INPP1: variants seen among roughly 807,000 people sequenced by gnomAD.
INPP1 encodes the protein inositol polyphosphate-1-phosphatase.
INPP1 carries 18 observed loss-of-function variants against 23.0 expected under a neutral mutation model. The ratio of observed to expected loss-of-function variants is 0.78; its 90% CI spans 0.54 to 1.16. The LOEUF is 1.16. INPP1 is among the 50% of genes most tolerant of loss of function. INPP1 has a pLI of 0.00. For synonymous variants in INPP1, 164 were observed against 176.3 expected (o/e 0.93, Z 0.55); for missense variants, 448 against 482.1 (o/e 0.93, Z 0.66).
intron 4 of INPP1, among the ~76,000 whole-genome samples, chr2:190,364,606 T>TTTTTTTTTTTTTTTTTTTTG (rs796196740): frequency 5.2e-5 from 5 of 96,352 alleles, no homozygotes; most frequent in Non-Finnish European, 5.7e-5. Context: ...TTTTTTTTTT[T>TTTTTTTTTTTTTTTTTTTTG]GTTAGATGGA....
rs973859201 is a variant in INPP1 at position 190,343,942 on chromosome 2, T to A, written c.-228T>A. The stretch of plus-strand genomic sequence containing the variant: ...AGGGAAAGGCTGCTGCCTCCTGCTC[T>A]GTCCTCATCCCCGGCTTAGGTAACA... On this transcript the variant is annotated 5_prime_UTR_variant, in exon 1 of 7. Coordinates refer to ENST00000392329, the MANE Select transcript of INPP1 (RefSeq NM_001128928.2). The A allele has an allele frequency of 9.0e-6, 2 of 222,624 alleles. No individual in the cohort carries two copies. The highest frequency in any genetic ancestry group is 9.9e-6 in the Non-Finnish European group (1 of 100,908). 13.8% of individuals were successfully genotyped at this position (222,624 alleles called of 1,614,324 possible).
chr2:190,347,293 G>C (rs1287056989), intron 1 of INPP1, among the ~76,000 whole-genome samples: 3 of 151,830 alleles, frequency 2.0e-5, no homozygotes, highest in African/African-American at 7.3e-5. Context: ...TTACAGGCGT[G>C]AGCCACCACA....
chr2:190,364,213 T>A (rs2124936217), intron 4 of INPP1, among the ~76,000 whole-genome samples: 1 of 152,322 alleles, frequency 6.6e-6, no homozygotes, highest in South Asian at 2.1e-4. Flanking sequence ...CACACTTTAC[T>A]GGTCATGTAA....
Position 190,371,307 on chromosome 2 carries a change from A to C in INPP1, c.1105A>C (p.Lys369Gln). Residue 369 changes from lysine (K) to glutamine (Q), a missense_variant, in exon 7 of 7, where the codon AAG becomes CAG. Transcript: ENST00000392329. This position sits in a 1 kb window ranked among gnomAD's most constrained non-coding sequence, Gnocchi z 5.3. ...TGCTGGGGTGGATCGGTGGGCCAACAAGGGAGGACTCATTGCATACAGATC... is the reference window on the plus strand; with the variant it reads ...TGCTGGGGTGGATCGGTGGGCCAACCAGGGAGGACTCATTGCATACAGATC... ...GAAGVDRWAN[K>Q]GGLIAYRSRK... is the part of the protein sequence containing the mutation. The C allele has an allele frequency of 6.2e-7, 1 of 1,605,394 alleles. No individual in the cohort carries two copies. Among genetic ancestry groups the C allele is most frequent in the Non-Finnish European group, 8.5e-7 (1 of 1,175,114 alleles).
rs907918542 is a variant in INPP1 at position 190,354,753 on chromosome 2, T to C, written c.-64-5286T>C. 6.6e-6 allele frequency among the ~76,000 whole-genome samples: 1 copy of C among 152,228 alleles called. No homozygotes were observed. Among genetic ancestry groups the C allele is most frequent in the Non-Finnish European group, 1.5e-5 (1 of 68,042 alleles). On this transcript the variant is annotated intron_variant, in intron 2 of 6. Transcript: ENST00000392329. The surrounding 1 kb of genome is among the most constrained non-coding windows in gnomAD (Gnocchi z 4.8). The stretch of plus-strand genomic sequence containing the variant: ...TATTGGGCATGCCCCCTGCCATCAA[T>C]GCCATGACAGTTAAGGGAGACATCA...
rs146156907 is a variant in INPP1, at chr2:190,363,526, A to G, written c.265+839A>G. Among the ~76,000 whole-genome samples the G allele has an allele frequency of 6.6e-6, 1 of 152,162 alleles. No individual in the cohort carries two copies. Among genetic ancestry groups the G allele is most frequent in the Admixed American group, 6.5e-5 (1 of 15,274 alleles). On this transcript the variant is annotated intron_variant, in intron 4 of 6. Coordinates refer to ENST00000392329, the MANE Select transcript of INPP1 (RefSeq NM_001128928.2). This position sits in a 1 kb window ranked among gnomAD's most constrained non-coding sequence, Gnocchi z 4.4. ...TTTTTTTAGTTTGTTTGGATTTAAT[A>G]GTAGAAGAATAAAATAGTGAACATT... is the stretch of plus-strand genomic sequence containing the variant.
intron 4 of INPP1, 97 bp downstream of exon 4, chr2:190,362,784 T>G: frequency 1.4e-6 from 1 of 706,304 alleles, no homozygotes; most frequent in East Asian, 2.8e-5. Flanking sequence ...GGAAGCCACT[T>G]ACTGTAAACA....
rs1332659406 is a variant in INPP1, at chr2:190,367,125, G to A, written c.466+230G>A. Reference sequence around the variant, plus strand: ...ATATATATACATATCTATAACAGGTGTGTGTATATACACACACATACATAC... The same window carrying A: ...ATATATATACATATCTATAACAGGTATGTGTATATACACACACATACATAC... On this transcript the variant is annotated intron_variant, in intron 5 of 6. Transcript: ENST00000392329. This position sits in a 1 kb window ranked among gnomAD's most constrained non-coding sequence, Gnocchi z 4.1. Among the ~76,000 whole-genome samples the A allele has an allele frequency of 1.3e-5, 2 of 152,062 alleles. No homozygotes were observed. Among genetic ancestry groups the A allele is most frequent in the Non-Finnish European group, 2.9e-5 (2 of 68,026 alleles).
Position 190,369,153 on chromosome 2 carries a change from G to T in INPP1, c.517G>T (p.Gly173Ter). Residue 173 changes from glycine to a stop codon, truncating the protein, a stop_gained, in exon 6 of 7, where the codon GGA becomes TGA. Transcript: ENST00000392329. LOFTEE classifies it high-confidence loss of function. ...TTCTGCTGACATTAAATCCAACCAG[G>T]GAATCTTCCCCTGTGGACTTCAGTG... ...KGSADIKSNQ[G>*]IFPCGLQCVT... 6.2e-7 allele frequency: 1 copy of T among 1,606,448 alleles called. No homozygotes were observed. The highest frequency in any genetic ancestry group is 8.5e-7 in the Non-Finnish European group (1 of 1,174,594).
In INPP1 at chr2:190,345,009, A is replaced by G. The variant is rs1689187562; in HGVS notation, c.-209+1048A>G. On this transcript the variant is annotated intron_variant, in intron 1 of 6. Coordinates refer to ENST00000392329, the MANE Select transcript of INPP1 (RefSeq NM_001128928.2). This position sits in a 1 kb window ranked among gnomAD's most constrained non-coding sequence, Gnocchi z 4.9. ...CTGAACTACTCTTGATTGGTGAATT[A>G]GCTAAGTGATCTCATTCTTACCTTT... 6.6e-6 allele frequency among the ~76,000 whole-genome samples: 1 copy of G among 152,250 alleles called. No individual in the cohort carries two copies.
intron 3 of INPP1, 35 bp from the exon 4 acceptor site, chr2:190,362,592 T>C: frequency 7.0e-7 from 1 of 1,423,678 alleles, no homozygotes; most frequent in Non-Finnish European, 9.8e-7. Flanking sequence ...GTGTGGGTTT[T>C]TGTTTTGTTT....
intron 3 of INPP1, 76 bp from the exon 4 acceptor site, chr2:190,362,550 TA>T: frequency 1.2e-6 from 1 of 809,302 alleles, no homozygotes; most frequent in Non-Finnish European, 1.9e-6. Context: ...ATTTGAAATA[TA>T]AAATTGAAAT....
At chr2:190,357,202 C>T (rs2067391) in intron 2 of INPP1, among the ~76,000 whole-genome samples, 59,514 of 152,038 alleles carry the variant, frequency 0.39, 13,002 homozygotes, top group African/African-American at 0.59. Flanking sequence ...GCATTATTAC[C>T]GCAGTCTCAT....
chr2:190,362,606 G>C, intron 3 of INPP1, 21 bp from the exon 4 acceptor site: 1 of 1,562,676 alleles, frequency 6.4e-7, no homozygotes, highest in Non-Finnish European at 8.7e-7. Context: ...TTTGTTTTTC[G>C]TCATACTCTG....
Position 190,360,367 on chromosome 2 carries a change from T to C in INPP1, c.204+61T>C. On this transcript the variant is annotated intron_variant, in intron 3 of 6. Transcript: ENST00000392329. ...GTTGCATCTGTGGCTTTCTCCATCA[T>C]AGAATAGCATGCCTTTTGCTCCTCA... 3 of 1,447,540 alleles carry C rather than the reference T, an allele frequency of 2.1e-6. No individual in the cohort carries two copies. In the Middle Eastern group the frequency reaches 5.5e-4, roughly 264 times the overall value. 89.7% of individuals were successfully genotyped at this position (1,447,540 alleles called of 1,614,324 possible). A position where few individuals can be genotyped will look rare whatever the true frequency, so the allele number is the denominator to read the frequency against.
At chr2:190,360,866 G>A (rs1689521527) in intron 3 of INPP1, among the ~76,000 whole-genome samples, 1 of 151,896 alleles carries the variant, frequency 6.6e-6, no homozygotes, top group Non-Finnish European at 1.5e-5. Context: ...TGAGATTGTA[G>A]CTGGAGACTT....
At position 190,366,731 on chromosome 2, in the gene INPP1, A is replaced by G; in HGVS notation, c.302A>G (p.Glu101Gly). Reference protein sequence around the residue: ...KITLRLCSTEEETAELLSKVL... With the variant: ...KITLRLCSTEGETAELLSKVL... The stretch of plus-strand genomic sequence containing the variant: ...ACCTTGAGGTTGTGTTCAACAGAGG[A>G]GGAAACAGCAGAGCTTCTTAGCAAA... The change falls in exon 5 of 7, where the codon GAG becomes GGG. Residue 101 changes from glutamate to glycine, a missense_variant. Glu to Gly is a moderately conservative substitution (Grantham distance 98). Coordinates refer to ENST00000392329, the MANE Select transcript of INPP1 (RefSeq NM_001128928.2). 1 of 1,613,392 alleles carries G rather than the reference A, an allele frequency of 6.2e-7. No individual in the cohort carries two copies. Among genetic ancestry groups the G allele is most frequent in the Non-Finnish European group, 8.5e-7 (1 of 1,179,372 alleles).
chr2:190,360,842 G>A (rs1323817345), intron 3 of INPP1, among the ~76,000 whole-genome samples: 1 of 151,336 alleles, frequency 6.6e-6, no homozygotes, highest in African/African-American at 2.4e-5. Flanking sequence ...TTTATCTAGT[G>A]GTTTCTTCAG....
In INPP1 at chr2:190,367,666, C is replaced by T. The variant is rs531904273; in HGVS notation, c.466+771C>T. 1.2e-4 allele frequency among the ~76,000 whole-genome samples: 18 copies of T among 152,340 alleles called. No individual in the cohort carries two copies. In the East Asian group the frequency reaches 3.5e-3, roughly 29 times the overall value. ...TCCTGAGCTCAAGCAATCCTCCTAT[C>T]TCAGCTTCCCAAGTAGCTGGGACCC... On this transcript the variant is annotated intron_variant, in intron 5 of 6. Coordinates refer to ENST00000392329, the MANE Select transcript of INPP1 (RefSeq NM_001128928.2). This position sits in a 1 kb window ranked among gnomAD's most constrained non-coding sequence, Gnocchi z 4.1.
Sources: allele counts gnomAD v4.1 joint callset (sites outside exome capture counted in the v4.1 genomes callset), GRCh38; gene constraint gnomAD v4.1.1; non-coding constraint Gnocchi (gnomAD v3.1); transcripts MANE v1.5; gene names NCBI Gene and HGNC (gene_info 2026-07-23, HGNC 2026-07-21).